Variants in MSRA observed in about 807,000 individuals in gnomAD.
MSRA encodes mitochondrial peptide methionine sulfoxide reductase.
In MSRA, 54 loss-of-function variants were observed where a neutral mutation model predicts 31.3. The observed-to-expected ratio is 1.73, with a 90% CI of 1.39 to 2.17. The LOEUF is 2.17. MSRA is among the 30% of genes most tolerant of loss of function. The pLI is 0.00. For missense variants in MSRA, 507 were observed against 300.9 expected, an observed-to-expected ratio of 1.69 and a Z score of -5.07; for synonymous variants, 169 against 116.5, an observed-to-expected ratio of 1.45 and a Z score of -2.90.
At chr8:10,081,127 C>T (rs1273860899) in intron 1 of MSRA, among the ~76,000 whole-genome samples, 3 of 152,152 alleles carry the variant, frequency 2.0e-5, no homozygotes, top group Non-Finnish European at 4.4e-5. Context: ...CACACGTGGT[C>T]CAGTTGGAGG....
chr8:10,231,312 A>C (rs1190258533), intron 2 of MSRA, among the ~76,000 whole-genome samples: 1 of 152,166 alleles, frequency 6.6e-6, no homozygotes, highest in Non-Finnish European at 1.5e-5. Context: ...GTTTCATTTG[A>C]GATGAGTAAG....
intron 3 of MSRA, chr8:10,250,507 T>C: frequency 1.4e-6 from 1 of 700,834 alleles, no homozygotes; most frequent in South Asian, 1.5e-5. Context: ...TCCAGAAGCA[T>C]GAAAGGAGCT....
intron 5 of MSRA, among the ~76,000 whole-genome samples, chr8:10,384,859 G>T (rs1429539417): frequency 1.3e-5 from 2 of 152,102 alleles, no homozygotes; most frequent in Non-Finnish European, 2.9e-5. Flanking sequence ...AAAATTAGCT[G>T]GGTGTTGTAG....
At chr8:10,403,934 T>C (rs1807628539) in intron 5 of MSRA, among the ~76,000 whole-genome samples, 1 of 152,182 alleles carries the variant, frequency 6.6e-6, no homozygotes, top group African/African-American at 2.4e-5. Context: ...AATACAGTAA[T>C]AAAATAGCCG....
chr8:10,154,965 A>T (rs1010671752), intron 1 of MSRA, among the ~76,000 whole-genome samples: 7 of 135,794 alleles, frequency 5.2e-5, no homozygotes. Flanking sequence ...TTTAATGGGA[A>T]AGCTAATTTT....
At chr8:10,246,944 C>T (rs536326401) in intron 3 of MSRA, among the ~76,000 whole-genome samples, 1 of 152,070 alleles carries the variant, frequency 6.6e-6, no homozygotes, top group East Asian at 1.9e-4. Context: ...TGAGTAGATT[C>T]CTTCCTGTAA....
intron 3 of MSRA, among the ~76,000 whole-genome samples, chr8:10,298,863 G>A (rs1001281151): frequency 2.2e-4 from 34 of 152,082 alleles, no homozygotes; most frequent in Non-Finnish European, 5.9e-5. Context: ...AATTTTTTGT[G>A]CATGTATATA....
chr8:10,092,553 G>A (rs1007404747), intron 1 of MSRA, among the ~76,000 whole-genome samples: 4 of 152,054 alleles, frequency 2.6e-5, no homozygotes, highest in Non-Finnish European at 1.5e-5. Context: ...AGCTACTTGG[G>A]AGGCTGAGGC....
intron 3 of MSRA, among the ~76,000 whole-genome samples, chr8:10,266,707 T>C (rs967300119): frequency 3.3e-5 from 5 of 152,192 alleles, no homozygotes; most frequent in Non-Finnish European, 7.3e-5. Context: ...TAGTTTAAGA[T>C]GTACATTTAA....
intron 5 of MSRA, among the ~76,000 whole-genome samples, chr8:10,361,976 C>T (rs1013297961): frequency 6.6e-6 from 1 of 152,124 alleles, no homozygotes; most frequent in African/African-American, 2.4e-5. Flanking sequence ...GCGAGGCTTC[C>T]TTCCCTCCTC....
In MSRA at chr8:10,096,096, C is replaced by G. The variant is rs926799602; in HGVS notation, c.142+41438C>G. 19 of 1,317,472 alleles carry G rather than the reference C, an allele frequency of 1.4e-5. No homozygotes were observed. In the East Asian group the frequency reaches 4.9e-4, roughly 34 times the overall value. The allele number at this position is 1,317,472 out of a possible 1,614,324, so 81.6% of individuals were successfully genotyped here. A position where few individuals can be genotyped will look rare whatever the true frequency, so the allele number is the denominator to read the frequency against. ...ATTTTTAGACATTTATAGACATTAA[C>G]TTTTCAAGGAGCCTTTCTAAGATTT... is the stretch of plus-strand genomic sequence containing the variant. On this transcript the variant is annotated intron_variant, in intron 1 of 5. Coordinates refer to ENST00000317173, the MANE Select transcript of MSRA (RefSeq NM_012331.5).
intron 3 of MSRA, among the ~76,000 whole-genome samples, chr8:10,287,866 C>T (rs34614125): frequency 6.6e-6 from 1 of 152,146 alleles, no homozygotes; most frequent in Non-Finnish European, 1.5e-5. Flanking sequence ...TGTCACTGAA[C>T]TCTGAGACTA....
chr8:10,220,885 G>A (rs990737634), intron 2 of MSRA, among the ~76,000 whole-genome samples: 58 of 152,220 alleles, frequency 3.8e-4, no homozygotes, highest in African/African-American at 1.4e-3. Context: ...GGGGAGGGTC[G>A]TCTGGGGAAT....
intron 3 of MSRA, among the ~76,000 whole-genome samples, chr8:10,283,154 A>ACTCTCTCTCTCTCT (rs1234503905): frequency 2.3e-5 from 2 of 87,656 alleles, no homozygotes; most frequent in Non-Finnish European, 5.1e-5. Context: ...ACACACACAC[A>ACTCTCTCTCTCTCT]CACACACTCT....
At chr8:10,086,500 T>G (rs1315922280) in intron 1 of MSRA, among the ~76,000 whole-genome samples, 1 of 152,188 alleles carries the variant, frequency 6.6e-6, no homozygotes, top group Non-Finnish European at 1.5e-5. Flanking sequence ...GCTTGAAATT[T>G]TTCTACCCTA....
At chr8:10,359,423 G>T (rs1023106247) in intron 5 of MSRA, among the ~76,000 whole-genome samples, 1 of 151,842 alleles carries the variant, frequency 6.6e-6, no homozygotes, top group Non-Finnish European at 1.5e-5. Flanking sequence ...ATTATTTCAG[G>T]TCTTATATCA....
rs929809919 is a variant in MSRA, at chr8:10,217,296, C to G, written c.211+9395C>G. On this transcript the variant is annotated intron_variant, in intron 2 of 5. Coordinates refer to ENST00000317173, the MANE Select transcript of MSRA (RefSeq NM_012331.5). ...CCCTAGGAGTGAGCGGCGCGCAAGT[C>G]TCGTGGCTGTTTGCCACACTGCTCT... Among the ~76,000 whole-genome samples the G allele has an allele frequency of 3.9e-5, 6 of 152,342 alleles. No individual in the cohort carries two copies. In the East Asian group the frequency reaches 9.7e-4, roughly 25 times the overall value.
intron 3 of MSRA, among the ~76,000 whole-genome samples, chr8:10,258,309 C>G (rs1798289414): frequency 6.6e-6 from 1 of 152,102 alleles, no homozygotes; most frequent in Non-Finnish European, 1.5e-5. Flanking sequence ...ACTCCATTGT[C>G]AGTGAGACAT....
chr8:10,119,929 G>A (rs1429406818), intron 1 of MSRA, among the ~76,000 whole-genome samples: 1 of 152,152 alleles, frequency 6.6e-6, no homozygotes, highest in African/African-American at 2.4e-5. Context: ...GAGCTTTGAA[G>A]CTTTACCATG....
Sources: allele counts gnomAD v4.1 joint callset (sites outside exome capture counted in the v4.1 genomes callset), GRCh38; gene constraint gnomAD v4.1.1; transcripts MANE v1.5; gene names NCBI Gene and HGNC (gene_info 2026-07-23, HGNC 2026-07-21).